The following IL15 variants were observed in gnomAD, a reference collection of about 807,000 sequenced individuals.
The protein encoded by IL15 is interleukin-15.
Under a neutral mutation model 19.6 loss-of-function variants are expected in IL15, and 11 were observed. The ratio of observed to expected loss-of-function variants is 0.56; its 90% CI spans 0.35 to 0.93. The LOEUF is 0.93. Ranked by LOEUF, IL15 falls within the 40% of genes least tolerant of loss-of-function variation. The pLI, the probability that IL15 is intolerant of heterozygous loss-of-function variation, is 0.01. For missense variants in IL15, 197 were observed against 186.5 expected (o/e 1.06, Z -0.33); for synonymous variants, 58 against 59.6 (o/e 0.97, Z 0.12).
chr4:141,668,606 G>T (rs139692447), intron 2 of IL15, among the ~76,000 whole-genome samples: 246 of 152,248 alleles, frequency 1.6e-3, no homozygotes, highest in African/African-American at 5.4e-3. Flanking sequence ...ATCCCCTACT[G>T]GTGTGTCAGT....
intron 4 of IL15, chr4:141,721,143 G>A: frequency 1.4e-6 from 2 of 1,458,574 alleles, no homozygotes; most frequent in South Asian, 1.2e-5. Flanking sequence ...CTCTACTAAT[G>A]CCTTCATGGT....
intron 2 of IL15, among the ~76,000 whole-genome samples, chr4:141,679,555 A>G (rs1392548481): frequency 2.6e-5 from 4 of 151,940 alleles, no homozygotes; most frequent in African/African-American, 9.7e-5. Context: ...TCTTTCTTTT[A>G]TTTAACCAGA....
At chr4:141,698,756 A>G (rs1241261733) in intron 2 of IL15, among the ~76,000 whole-genome samples, 1 of 151,744 alleles carries the variant, frequency 6.6e-6, no homozygotes, top group Non-Finnish European at 1.5e-5. Context: ...TGGTCTATCC[A>G]TTTTGTTTAT....
At chr4:141,718,588 TTTTC>T (rs1729970064) in intron 2 of IL15, 1 of 152,208 alleles carries the variant, frequency 6.6e-6, no homozygotes, top group African/African-American at 2.4e-5. Flanking sequence ...AGTGTTAGCT[TTTTC>T]TTTCTATGAG....
chr4:141,704,667 G>A (rs1234353013), intron 2 of IL15: 3 of 271,546 alleles, frequency 1.1e-5, no homozygotes, highest in African/African-American at 2.3e-5. Context: ...AAGCTTTCAG[G>A]TCCTGGTCTT....
chr4:141,672,948 G>T (rs965776871), intron 2 of IL15, among the ~76,000 whole-genome samples: 1 of 152,122 alleles, frequency 6.6e-6, no homozygotes, highest in Non-Finnish European at 1.5e-5. Context: ...CTTCTGGCCA[G>T]GCACCTCTCT....
intron 2 of IL15, among the ~76,000 whole-genome samples, chr4:141,683,502 CG>C: frequency 1.4e-5 from 2 of 140,734 alleles, no homozygotes; most frequent in Middle Eastern, 8.3e-3. Context: ...CCCTGGGAGG[CG>C]GGGGTTGCAG....
chr4:141,666,794 T>G (rs1248779829), intron 2 of IL15, among the ~76,000 whole-genome samples: 2 of 152,184 alleles, frequency 1.3e-5, no homozygotes, highest in African/African-American at 4.8e-5. Context: ...AAGATCCCCA[T>G]TTCTGAAGGG....
chr4:141,660,933 A>G (rs1168651732), intron 2 of IL15, among the ~76,000 whole-genome samples: 3 of 152,180 alleles, frequency 2.0e-5, no homozygotes, highest in Non-Finnish European at 4.4e-5. Flanking sequence ...CTACACCTTC[A>G]TCATCTCTAT....
rs959303638 is a variant in IL15, at chr4:141,726,155, G to C, written c.196-1785G>C. Among the ~76,000 whole-genome samples, 7 of 152,174 alleles carry C rather than the reference G, an allele frequency of 4.6e-5. No individual in the cohort carries two copies. The South Asian group carries it at 1.5e-3, about 32-fold the overall frequency. The stretch of plus-strand genomic sequence containing the variant: ...CACATTGGGGATTAAGTTTCAATCT[G>C]AATTTTGGAGGGGACATTCAAACCA... On this transcript the variant is annotated intron_variant, in intron 5 of 7. Coordinates refer to ENST00000320650, the MANE Select transcript of IL15 (RefSeq NM_000585.5).
At chr4:141,659,775 G>C (rs1727729910) in intron 2 of IL15, among the ~76,000 whole-genome samples, 1 of 152,138 alleles carries the variant, frequency 6.6e-6, no homozygotes, top group East Asian at 1.9e-4. Flanking sequence ...ATTTAAACAG[G>C]GATCTCCCCT....
intron 2 of IL15, among the ~76,000 whole-genome samples, chr4:141,680,326 A>C (rs1451620013): frequency 7.2e-5 from 11 of 152,150 alleles, no homozygotes; most frequent in Admixed American, 7.2e-4. Context: ...GCCACCAATA[A>C]CGTGTCCAGA....
intron 1 of IL15, among the ~76,000 whole-genome samples, chr4:141,645,848 C>T (rs1727208593): frequency 6.6e-6 from 1 of 152,024 alleles, no homozygotes; most frequent in Non-Finnish European, 1.5e-5. Flanking sequence ...CCTTGGTTCT[C>T]CTCCACTTAG....
chr4:141,675,661 A>C (rs1728317617), intron 2 of IL15, among the ~76,000 whole-genome samples: 1 of 152,188 alleles, frequency 6.6e-6, no homozygotes, highest in South Asian at 2.1e-4. Flanking sequence ...AAAAGTCATG[A>C]CATTACAAGA....
intron 2 of IL15, among the ~76,000 whole-genome samples, chr4:141,689,412 T>A (rs892808289): frequency 6.6e-6 from 1 of 152,130 alleles, no homozygotes; most frequent in South Asian, 2.1e-4. Flanking sequence ...CCCACCAGAT[T>A]AGCTAGATGC....
chr4:141,656,548 C>T (rs1727604561), intron 2 of IL15, among the ~76,000 whole-genome samples: 1 of 152,090 alleles, frequency 6.6e-6, no homozygotes, highest in Admixed American at 6.6e-5. Context: ...ATATTATAGG[C>T]TTTGAGAGTC....
At chr4:141,644,632 A>G (rs547565916) in intron 1 of IL15, among the ~76,000 whole-genome samples, 64 of 152,264 alleles carry the variant, frequency 4.2e-4, no homozygotes, top group African/African-American at 1.5e-3. Context: ...TCAGACTTTA[A>G]GTCTCTAAAC....
At chr4:141,692,689 C>G (rs1426979789) in intron 2 of IL15, among the ~76,000 whole-genome samples, 2 of 152,096 alleles carry the variant, frequency 1.3e-5, no homozygotes, top group Non-Finnish European at 2.9e-5. Flanking sequence ...CAGTTCCCAA[C>G]AAGTTCTTCA....
chr4:141,659,207 T>C (rs1727708038), intron 2 of IL15, among the ~76,000 whole-genome samples: 1 of 125,462 alleles, frequency 8.0e-6, no homozygotes, highest in South Asian at 2.3e-4. Flanking sequence ...TCCTGGTGTC[T>C]TTTTTTTTTT....
Sources: gnomAD v4.1 joint callset for allele counts (sites outside exome capture counted in the v4.1 genomes callset) on GRCh38, gnomAD v4.1.1 for gene constraint, MANE v1.5 for transcripts, NCBI Gene and HGNC (gene_info 2026-07-23, HGNC 2026-07-21) for gene names.